The following SUV39H2 variants were observed in gnomAD, a reference collection of about 807,000 sequenced individuals.
SUV39H2 encodes the protein histone-lysine N-methyltransferase SUV39H2.
SUV39H2 carries 10 observed loss-of-function variants against 47.5 expected under a neutral mutation model. The ratio of observed to expected loss-of-function variants is 0.21; its 90% CI spans 0.13 to 0.36. SUV39H2 has a LOEUF of 0.36. Ranked by LOEUF, SUV39H2 falls within the 10% of genes least tolerant of loss-of-function variation. The pLI is 1.00. For synonymous variants in SUV39H2, 159 were observed against 166.8 expected, an observed-to-expected ratio of 0.95 and a Z score of 0.36; for missense variants, 266 against 487.4, an observed-to-expected ratio of 0.55 and a Z score of 4.28.
Position 14,896,836 on chromosome 10 carries a change from G to A in SUV39H2, c.178-10G>A, listed in dbSNP as rs780749476. 1.5e-5 allele frequency: 23 copies of A among 1,533,246 alleles called. No homozygotes were observed. In the African/African-American group the frequency reaches 2.8e-4, roughly 19 times the overall value. 95.0% of individuals were successfully genotyped at this position (1,533,246 alleles called of 1,614,324 possible). A position where few individuals can be genotyped will look rare whatever the true frequency, so the allele number is the denominator to read the frequency against. The stretch of plus-strand genomic sequence containing the variant: ...TCTGATTTGCATTTTATTTTCTTTT[G>A]TATTTTAAGGATATGGAATATTATC... On this transcript the variant is annotated splice_polypyrimidine_tract_variant and intron_variant, in intron 2 of 5. Transcript: ENST00000354919.
At chr10:14,881,301 A>C (rs998474172) in intron 1 of SUV39H2, among the ~76,000 whole-genome samples, 199 bp from the exon 2 acceptor site, 2 of 152,246 alleles carry the variant, frequency 1.3e-5, no homozygotes, top group Admixed American at 6.5e-5. Flanking sequence ...TCCATGAGAA[A>C]ATCCAAGAAC....
chr10:14,890,697 A>G (rs1376152625), intron 2 of SUV39H2, among the ~76,000 whole-genome samples: 1 of 152,182 alleles, frequency 6.6e-6, no homozygotes, highest in African/African-American at 2.4e-5. Flanking sequence ...GATATTGAAT[A>G]TGATGATTAT....
At chr10:14,887,402 G>T (rs1833247308) in intron 2 of SUV39H2, among the ~76,000 whole-genome samples, 1 of 152,118 alleles carries the variant, frequency 6.6e-6, no homozygotes, top group African/African-American at 2.4e-5. Context: ...ACAGGAGTAG[G>T]AACTAGATTG....
At chr10:14,879,726 CT>C (rs1832986148) in intron 1 of SUV39H2, 2 of 152,158 alleles carry the variant, frequency 1.3e-5, no homozygotes, top group South Asian at 4.1e-4. Flanking sequence ...CTCCTCTCCG[CT>C]GGGATTATGA....
intron 2 of SUV39H2, among the ~76,000 whole-genome samples, chr10:14,891,750 G>C (rs1481436019): frequency 6.6e-6 from 1 of 152,160 alleles, no homozygotes; most frequent in African/African-American, 2.4e-5. Flanking sequence ...GAAATAATCT[G>C]ATATGGAAGG....
intron 2 of SUV39H2, 76 bp downstream of exon 2, chr10:14,881,721 A>C: frequency 8.1e-7 from 1 of 1,231,774 alleles, no homozygotes; most frequent in South Asian, 2.7e-5. Flanking sequence ...CATAAAAAGA[A>C]CATTAAAAGA....
chr10:14,900,399 A>G (rs980818420), intron 4 of SUV39H2, among the ~76,000 whole-genome samples: 1 of 152,224 alleles, frequency 6.6e-6, no homozygotes, highest in African/African-American at 2.4e-5. Flanking sequence ...ATATAGCTGA[A>G]CATATAAAGG....
chr10:14,882,601 C>T (rs932436903), intron 2 of SUV39H2, among the ~76,000 whole-genome samples: 4 of 152,222 alleles, frequency 2.6e-5, no homozygotes, highest in Non-Finnish European at 4.4e-5. Flanking sequence ...TCTGTTCTCA[C>T]ACTGCTCAGT....
In SUV39H2 at chr10:14,897,352, A is replaced by G. The variant is rs1438932274; in HGVS notation, c.684A>G (p.Glu228=). Residue 228 remains glutamate (E), a synonymous_variant, in exon 3 of 6, where the codon GAA becomes GAG. Transcript: ENST00000354919. ...TCCCACCTGGTACTCCCATCTATGA[A>G]TGCAACTCAAGGTGTCAGTGTGGTC... ...IKIPPGTPIY[E]CNSRCQCGPD... is the part of the protein sequence containing the mutation. 5.0e-6 allele frequency: 8 copies of G among 1,613,078 alleles called. No individual in the cohort carries two copies. Among genetic ancestry groups the G allele is most frequent in the Non-Finnish European group, 5.9e-6 (7 of 1,179,864 alleles).
intron 2 of SUV39H2, among the ~76,000 whole-genome samples, chr10:14,882,252 A>T (rs1055885244): frequency 1.3e-5 from 2 of 152,224 alleles, no homozygotes; most frequent in African/African-American, 4.8e-5. Flanking sequence ...TGAGTAATTC[A>T]TCTGTCTATA....
intron 2 of SUV39H2, among the ~76,000 whole-genome samples, chr10:14,892,831 T>G (rs77842057): frequency 7.0e-6 from 1 of 143,154 alleles, no homozygotes; most frequent in South Asian, 2.3e-4. Context: ...TTTTTTTTTT[T>G]GGAGACGGGG....
At chr10:14,889,444 A>G (rs547417490) in intron 2 of SUV39H2, among the ~76,000 whole-genome samples, 2 of 152,122 alleles carry the variant, frequency 1.3e-5, no homozygotes, top group Non-Finnish European at 2.9e-5. Flanking sequence ...GTTTAGTTTT[A>G]TTTTGCTTTT....
intron 2 of SUV39H2, among the ~76,000 whole-genome samples, chr10:14,895,183 T>TA (rs1159951405): frequency 6.7e-6 from 1 of 150,196 alleles, no homozygotes; most frequent in Admixed American, 6.6e-5. Context: ...TACTTTTATT[T>TA]TTTTTTTTTT....
intron 3 of SUV39H2, chr10:14,897,768 G>A (rs1175538649): frequency 3.8e-6 from 1 of 266,100 alleles, no homozygotes; most frequent in Non-Finnish European, 6.9e-6. Context: ...ATTCCTACTA[G>A]TCAAACCTAG....
At chr10:14,898,198 G>GTTT (rs1833728015) in intron 3 of SUV39H2, 3 of 64,378 alleles carry the variant, frequency 4.7e-5, no homozygotes, top group African/African-American at 2.1e-4. Flanking sequence ...AGGTAGTACT[G>GTTT]TTTCTTTTTT....
At chr10:14,888,402 G>A (rs917101605) in intron 2 of SUV39H2, among the ~76,000 whole-genome samples, 2 of 151,994 alleles carry the variant, frequency 1.3e-5, no homozygotes, top group Non-Finnish European at 2.9e-5. Context: ...TTGGGAGGCC[G>A]AGGCGGGCAG....
intron 2 of SUV39H2, among the ~76,000 whole-genome samples, chr10:14,888,001 G>A (rs1588838586): frequency 1.3e-5 from 2 of 152,324 alleles, no homozygotes; most frequent in Admixed American, 6.5e-5. Context: ...AACAGAGCAA[G>A]TAAGAGGGAG....
chr10:14,887,468 T>C (rs1187775375), intron 2 of SUV39H2, among the ~76,000 whole-genome samples: 2 of 152,206 alleles, frequency 1.3e-5, no homozygotes, highest in Non-Finnish European at 2.9e-5. Context: ...TACTCAACTT[T>C]CTTGAGTACT....
intron 2 of SUV39H2, among the ~76,000 whole-genome samples, chr10:14,896,172 G>A (rs978145639): frequency 4.6e-5 from 7 of 152,006 alleles, no homozygotes; most frequent in Admixed American, 6.6e-5. Context: ...CGAACTCCTG[G>A]GCTCAAGCGA....
Sources: gnomAD v4.1 joint callset for allele counts (sites outside exome capture counted in the v4.1 genomes callset) on GRCh38, gnomAD v4.1.1 for gene constraint, MANE v1.5 for transcripts, NCBI Gene and HGNC (gene_info 2026-07-23, HGNC 2026-07-21) for gene names.